The following AKNA variants were observed in gnomAD, a reference collection of about 807,000 sequenced individuals.
The protein encoded by AKNA is microtubule organization protein AKNA.
Under a neutral mutation model 138.8 loss-of-function variants are expected in AKNA, and 67 were observed. The ratio of observed to expected loss-of-function variants is 0.48; its 90% CI spans 0.40 to 0.59. AKNA has a LOEUF of 0.59. AKNA is among the 20% of genes least tolerant of loss of function. AKNA has a pLI of 0.00. For missense variants in AKNA, 1,813 were observed against 1,880.4 expected (o/e 0.96, Z 0.66); for synonymous variants, 737 against 754.4 (o/e 0.98, Z 0.38).
chr9:114,341,872 G>A, intron 20 of AKNA, 137 bp downstream of exon 20: 1 of 1,309,426 alleles, frequency 7.6e-7, no homozygotes, highest in Non-Finnish European at 1.1e-6. Flanking sequence ...CTCTCTTTGG[G>A]GAACAAATCC....
At chr9:114,332,064 C>T, downstream of AKNA, 1 of 630,632 alleles carries the variant, frequency 1.6e-6, no homozygotes, top group East Asian at 2.8e-5. Context: ...ACCTGCCTCA[C>T]TGTAGGGACA....
chr9:114,351,750 G>A (rs1249727), intron 14 of AKNA, among the ~76,000 whole-genome samples: 11,257 of 152,116 alleles, frequency 0.074, 1,369 homozygotes, highest in African/African-American at 0.26. Context: ...AGGATCGCTT[G>A]GGCCAGGGAG....
Position 114,381,150 on chromosome 9 carries a change from C to T in AKNA, c.184G>A (p.Ala62Thr). 3 of 1,613,902 alleles carry T rather than the reference C, an allele frequency of 1.9e-6. No individual in the cohort carries two copies. The highest frequency in any genetic ancestry group is 2.5e-6 in the Non-Finnish European group (3 of 1,179,890). ...SPELLEDFRL[A>T]QQHLPPLEWD... is the part of the protein sequence containing the mutation. ...TCCAGGGGCGGCAGGTGCTGCTGGG[C>T]CAGGCGGAAGTCCTCTAGGAGCTCG... Residue 62 changes from alanine to threonine, a missense_variant, in exon 2 of 22, where the codon GCC becomes ACC. Ala to Thr is a moderately conservative substitution (Grantham distance 58, BLOSUM62 0). Transcript: ENST00000374088.
At chr9:114,356,410 T>A (rs1174937603) in intron 13 of AKNA, among the ~76,000 whole-genome samples, 2 of 152,186 alleles carry the variant, frequency 1.3e-5, no homozygotes, top group Admixed American at 6.5e-5. Flanking sequence ...TTCCTTTGCA[T>A]GCACCCTTGG....
chr9:114,398,249 C>T (rs1013061862), upstream of AKNA, among the ~76,000 whole-genome samples: 1 of 152,198 alleles, frequency 6.6e-6, no homozygotes, highest in Non-Finnish European at 1.5e-5. This position sits in a 1 kb window ranked among gnomAD's most constrained non-coding sequence, Gnocchi z 4.2. Flanking sequence ...ATTCCCGGAG[C>T]GGTGATGCGT....
intron 1 of AKNA, among the ~76,000 whole-genome samples, chr9:114,382,050 G>GTGTGGGCTAGTGT (rs2132098028): frequency 6.6e-6 from 1 of 152,338 alleles, no homozygotes; most frequent in South Asian, 2.1e-4. Flanking sequence ...GTGTTACTGC[G>GTGTGGGCTAGTGT]TACTGGCTCT....
At position 114,347,855 on chromosome 9, in the gene AKNA, C is replaced by T; in HGVS notation, c.3267G>A (p.Leu1089=). The change falls in exon 16 of 22, where the codon CTG becomes CTA. Residue 1089 remains leucine (L), a synonymous_variant. Coordinates refer to ENST00000374088, the MANE Select transcript of AKNA (RefSeq NM_001317950.2). Reference sequence around the variant, plus strand: ...GCTGGTGCAGGCTGTCTTCCAGCCGCAGACGAAGCCGGGACACCTCTTCTT... The same window carrying T: ...GCTGGTGCAGGCTGTCTTCCAGCCGTAGACGAAGCCGGGACACCTCTTCTT... ...ELQEEVSRLR[L]RLEDSLHQPL... 1 of 1,550,636 alleles carries T rather than the reference C, an allele frequency of 6.4e-7. No individual in the cohort carries two copies. Among genetic ancestry groups the T allele is most frequent in the East Asian group, 2.5e-5 (1 of 40,668 alleles).
intron 1 of AKNA, among the ~76,000 whole-genome samples, chr9:114,384,974 TG>T (rs1456837438): frequency 6.6e-6 from 1 of 152,130 alleles, no homozygotes; most frequent in Non-Finnish European, 1.5e-5. Flanking sequence ...CTCGGCCTCC[TG>T]AGTAGCTAAG....
At chr9:114,367,777 C>G in intron 5 of AKNA, 80 bp from the exon 6 acceptor site, 1 of 1,441,704 alleles carries the variant, frequency 6.9e-7, no homozygotes, top group Non-Finnish European at 9.3e-7. Context: ...ACGTCAAAGC[C>G]ACCACCTCCA....
At position 114,384,614 on chromosome 9, in the gene AKNA, T is replaced by C. The variant is rs112328975; in HGVS notation, c.-113-3168A>G. Among the ~76,000 whole-genome samples the C allele has an allele frequency of 3.3e-3, 510 of 152,336 alleles. 10 individuals carry two copies. Among genetic ancestry groups the C allele is most frequent in the Admixed American group, 0.027 (417 of 15,298 alleles). ...TCCACTTCCACTTAATGAAAGTAAGTAGATTTTCTCTTCCTTATGATTTCC... is the reference window on the plus strand; with the variant it reads ...TCCACTTCCACTTAATGAAAGTAAGCAGATTTTCTCTTCCTTATGATTTCC... On this transcript the variant is annotated intron_variant, in intron 1 of 21. Transcript: ENST00000374088.
In AKNA at chr9:114,381,607, T is replaced by C. The variant is rs12236483; in HGVS notation, c.-113-161A>G. ...CCTTGGGCAAGTCACTCTGCCTTCA[T>C]TTTCTTCATCAATAAAGCTGGGATA... is the stretch of plus-strand genomic sequence containing the variant. On this transcript the variant is annotated intron_variant, in intron 1 of 21. Transcript: ENST00000374088. Among the ~76,000 whole-genome samples the C allele has an allele frequency of 1.3e-3, 200 of 152,218 alleles. 5 individuals carry two copies. In the East Asian group the frequency reaches 0.031, roughly 23 times the overall value.
upstream of AKNA, among the ~76,000 whole-genome samples, chr9:114,388,713 T>C (rs1327435624): frequency 6.6e-6 from 1 of 152,208 alleles, no homozygotes; most frequent in Non-Finnish European, 1.5e-5. Flanking sequence ...CATTCGTAGG[T>C]ACTCACTGAG....
chr9:114,332,320 G>A (rs1044940441), downstream of AKNA, among the ~76,000 whole-genome samples: 6 of 152,236 alleles, frequency 3.9e-5, no homozygotes, highest in South Asian at 6.2e-4. Flanking sequence ...AATTGATACT[G>A]TGGTTTTCAA....
At chr9:114,340,524 C>G (rs1257359578) in intron 21 of AKNA, among the ~76,000 whole-genome samples, 1 of 152,232 alleles carries the variant, frequency 6.6e-6, no homozygotes, top group East Asian at 1.9e-4. Flanking sequence ...AATGGCACCA[C>G]AAACTCCACA....
intron 19 of AKNA, among the ~76,000 whole-genome samples, chr9:114,342,563 C>T (rs914578299): frequency 6.6e-6 from 1 of 151,372 alleles, no homozygotes; most frequent in Non-Finnish European, 1.5e-5. Flanking sequence ...TGGCCCAGAA[C>T]AGTCCCCTGG....
chr9:114,341,012 G>C (rs1474297527), intron 21 of AKNA, among the ~76,000 whole-genome samples: 1 of 152,212 alleles, frequency 6.6e-6, no homozygotes, highest in Non-Finnish European at 1.5e-5. Context: ...TATGGATATT[G>C]CTTCACTAAC....
upstream of AKNA, chr9:114,388,080 C>G (rs1362252134): frequency 3.7e-6 from 1 of 272,898 alleles, no homozygotes; most frequent in Non-Finnish European, 7.9e-6. Flanking sequence ...AAGCGCCCAG[C>G]CTGATTTCCT....
chr9:114,360,866 C>T (rs1039515478), intron 9 of AKNA, among the ~76,000 whole-genome samples: 1 of 152,186 alleles, frequency 6.6e-6, no homozygotes, highest in Admixed American at 6.5e-5. Context: ...GGCCAGACAG[C>T]CTTCTACAAA....
chr9:114,392,195 C>A (rs1339966275), upstream of AKNA, among the ~76,000 whole-genome samples: 1 of 151,880 alleles, frequency 6.6e-6, no homozygotes, highest in East Asian at 1.9e-4. Flanking sequence ...AATGATGAAG[C>A]CTGGCTAGGG....
Sources: gnomAD v4.1 joint callset for allele counts (sites outside exome capture counted in the v4.1 genomes callset) on GRCh38, gnomAD v4.1.1 for gene constraint, Gnocchi (gnomAD v3.1) non-coding constraint, MANE v1.5 for transcripts, NCBI Gene and HGNC (gene_info 2026-07-23, HGNC 2026-07-21) for gene names.